The following FCHO2 variants were observed in gnomAD, a reference collection of about 807,000 sequenced individuals.
The protein encoded by FCHO2 is F-BAR domain only protein 2.
In FCHO2, 43 loss-of-function variants were observed where a neutral mutation model predicts 114.1. The ratio of observed to expected loss-of-function variants is 0.38; its 90% CI spans 0.30 to 0.49. The LOEUF (loss-of-function observed/expected upper bound fraction) is 0.49. Among genes scored for constraint, FCHO2 ranks in the 20% least tolerant of loss-of-function variants. The pLI, the probability that FCHO2 is intolerant of heterozygous loss-of-function variation, is 0.97. For synonymous variants in FCHO2, 293 were observed against 315.2 expected (o/e 0.93, Z 0.75); for missense variants, 807 against 950.4 (o/e 0.85, Z 1.98).
chr5:72,957,189 G>T (rs1751598697), intron 1 of FCHO2, among the ~76,000 whole-genome samples: 1 of 152,054 alleles, frequency 6.6e-6, no homozygotes, highest in African/African-American at 2.4e-5. Flanking sequence ...GTATATACTA[G>T]ACCTTAGGTG....
chr5:72,968,365 C>A (rs1204008080), intron 1 of FCHO2, 133 bp from the exon 2 acceptor site: 1 of 571,432 alleles, frequency 1.7e-6, no homozygotes, highest in Non-Finnish European at 3.0e-6. Flanking sequence ...TAAAATCATA[C>A]AATAAATGAG....
intron 2 of FCHO2, 130 bp downstream of exon 2, chr5:72,968,719 ATATC>A (rs1245284302): frequency 3.3e-5 from 21 of 644,420 alleles, no homozygotes; most frequent in East Asian, 7.4e-5. Flanking sequence ...TACTGTAATT[ATATC>A]TATCTATTTG....
chr5:72,964,228 C>T (rs901514945), intron 1 of FCHO2, among the ~76,000 whole-genome samples: 6 of 151,850 alleles, frequency 4.0e-5, no homozygotes, highest in Non-Finnish European at 8.8e-5. Context: ...CAGAGGTGAA[C>T]TATAATATAA....
chr5:73,084,116 C>A (rs895156643), intron 24 of FCHO2, among the ~76,000 whole-genome samples: 8 of 152,132 alleles, frequency 5.3e-5, no homozygotes, highest in African/African-American at 1.4e-4. Context: ...ACTCAACTTA[C>A]AATAAGGATG....
rs41514444 is a variant in FCHO2, at chr5:73,022,571, C to T, written c.796+5263C>T. Among the ~76,000 whole-genome samples the T allele has an allele frequency of 5.6e-3, 851 of 152,276 alleles. 15 individuals are homozygous for T. The highest frequency in any genetic ancestry group is 0.02 in the African/African-American group (816 of 41,550). On this transcript the variant is annotated intron_variant, in intron 8 of 25. Coordinates refer to ENST00000430046, the MANE Select transcript of FCHO2 (RefSeq NM_138782.3). ...GATACCGTTGCTAGATCATTGCATT[C>T]GTCCCCGGAGGAGATCTCAGTCTCT...
chr5:72,963,902 GTTTTTTTT>G (rs70973214), intron 1 of FCHO2, among the ~76,000 whole-genome samples: 716 of 95,738 alleles, frequency 7.5e-3, no homozygotes, highest in Non-Finnish European at 0.011. Context: ...GGAACTTTCA[GTTTTTTTT>G]TTTTTTTTTT....
At chr5:73,020,860 A>G (rs1444704932) in intron 8 of FCHO2, 4 of 982,984 alleles carry the variant, frequency 4.1e-6, no homozygotes, top group Non-Finnish European at 5.0e-6. Flanking sequence ...TACTCTGACC[A>G]TTAAGTGTAG....
chr5:72,966,050 C>A (rs747252183), intron 1 of FCHO2, among the ~76,000 whole-genome samples: 7 of 152,116 alleles, frequency 4.6e-5, no homozygotes, highest in Non-Finnish European at 1.0e-4. Context: ...TACAATCTAT[C>A]TTCTGCCTAT....
chr5:73,000,870 A>C (rs531435334), intron 5 of FCHO2, among the ~76,000 whole-genome samples: 23 of 151,812 alleles, frequency 1.5e-4, no homozygotes, highest in African/African-American at 2.2e-4. Context: ...GGCTTCCCAA[A>C]GTGGTGGGAT....
intron 2 of FCHO2, among the ~76,000 whole-genome samples, chr5:72,979,438 C>T (rs556315923): frequency 2.7e-5 from 3 of 111,838 alleles, no homozygotes; most frequent in Non-Finnish European, 5.0e-5. Flanking sequence ...GTCGCCCAGG[C>T]TGGAGTGCAG....
chr5:73,063,105 C>T (rs1474314946), intron 17 of FCHO2, among the ~76,000 whole-genome samples: 2 of 151,914 alleles, frequency 1.3e-5, no homozygotes, highest in East Asian at 3.9e-4. Context: ...TATGCTAATA[C>T]ATTTGTGACT....
intron 10 of FCHO2, among the ~76,000 whole-genome samples, chr5:73,038,476 C>A (rs1215459231): frequency 6.6e-6 from 1 of 152,178 alleles, no homozygotes; most frequent in East Asian, 1.9e-4. Flanking sequence ...AATTTGTTGA[C>A]CCACCAACAT....
At position 73,081,703 on chromosome 5, in the gene FCHO2, A is replaced by G. The variant is rs1029434378; in HGVS notation, c.1981-80A>G. 1.3e-5 allele frequency: 14 copies of G among 1,056,252 alleles called. No individual in the cohort carries two copies. The African/African-American group carries it at 2.0e-4, about 15-fold the overall frequency. The allele number at this position is 1,056,252 out of a possible 1,614,324, so 65.4% of individuals were successfully genotyped here. ...GATATTTTTGATTTTGTGGACTTAC[A>G]TGTTCAAGTGTCCATGTCATTAACA... On this transcript the variant is annotated intron_variant, in intron 22 of 25. Transcript: ENST00000430046.
intron 5 of FCHO2, among the ~76,000 whole-genome samples, chr5:72,996,438 A>G (rs939605560): frequency 6.6e-6 from 1 of 152,048 alleles, no homozygotes; most frequent in African/African-American, 2.4e-5. Context: ...GAGCAAGAAA[A>G]AGTTTCAAAA....
intron 2 of FCHO2, among the ~76,000 whole-genome samples, chr5:72,970,485 T>A (rs1460059460): frequency 1.3e-5 from 2 of 151,832 alleles, no homozygotes; most frequent in African/African-American, 4.8e-5. Context: ...TTTTTTTTTT[T>A]ATTTAGAACT....
Position 73,086,654 on chromosome 5 carries a change from G to T in FCHO2, c.2246-935G>T, listed in dbSNP as rs370466170. Among the ~76,000 whole-genome samples, 3 of 152,134 alleles carry T rather than the reference G, an allele frequency of 2.0e-5. No homozygotes were observed. In the East Asian group the frequency reaches 5.8e-4, roughly 29 times the overall value. ...TCCTAAACTGTTTTGACTTGCAGTT[G>T]GTCTCCCAACCTTGCATCTTGTGCT... is the stretch of plus-strand genomic sequence containing the variant. On this transcript the variant is annotated intron_variant, in intron 24 of 25. Transcript: ENST00000430046.
intron 1 of FCHO2, among the ~76,000 whole-genome samples, chr5:72,959,981 T>C (rs2545646): frequency 0.48 from 72,807 of 152,038 alleles, 18,608 homozygotes; most frequent in Admixed American, 0.61. Flanking sequence ...GATCTCGCTA[T>C]GTTGCCCAGG....
intron 13 of FCHO2, among the ~76,000 whole-genome samples, chr5:73,053,795 T>A (rs1217319131): frequency 6.6e-6 from 1 of 152,076 alleles, no homozygotes; most frequent in Non-Finnish European, 1.5e-5. Context: ...AAAATATGTA[T>A]GTTAAATATA....
At chr5:73,042,463 A>T (rs1470799432) in intron 11 of FCHO2, among the ~76,000 whole-genome samples, 2 of 152,162 alleles carry the variant, frequency 1.3e-5, no homozygotes, top group African/African-American at 2.4e-5. Context: ...TATTCCTTTT[A>T]AATAAAACAT....
Sources: allele counts gnomAD v4.1 joint callset (sites outside exome capture counted in the v4.1 genomes callset), GRCh38; gene constraint gnomAD v4.1.1; transcripts MANE v1.5; gene names NCBI Gene and HGNC (gene_info 2026-07-23, HGNC 2026-07-21).